IL3RA: variants seen among roughly 807,000 people sequenced by gnomAD.
The protein encoded by IL3RA is interleukin-3 receptor subunit alpha.
Under a neutral mutation model 52.3 loss-of-function variants are expected in IL3RA, and 73 were observed. The observed-to-expected ratio is 1.40, with a 90% CI of 1.16 to 1.70. The LOEUF (loss-of-function observed/expected upper bound fraction) is 1.70. Ranked by LOEUF, IL3RA falls within the 40% of genes most tolerant of loss-of-function variation. IL3RA has a pLI of 0.00. For missense variants in IL3RA, 664 were observed against 504.4 expected (o/e 1.32, Z -3.03); for synonymous variants, 260 against 194.0 (o/e 1.34, Z -2.83).
chrX:1,359,936 T>G (rs2096515204), intron 8 of IL3RA, among the ~76,000 whole-genome samples: 1 of 150,278 alleles, frequency 6.7e-6, no homozygotes, highest in Non-Finnish European at 1.5e-5. Context: ...TCTCCCACTG[T>G]CCCTGTCTGT....
At chrX:1,353,944 C>CCA (rs2086380409) in intron 6 of IL3RA, among the ~76,000 whole-genome samples, 1 of 26,726 alleles carries the variant, frequency 3.7e-5, no homozygotes, top group Admixed American at 4.2e-4. Flanking sequence ...GGTCATGGGA[C>CCA]CCCCCCCCCC....
At position 1,336,966 on chromosome X, in the gene IL3RA, G is replaced by C. The variant is rs2085346928; in HGVS notation, c.-39+40G>C. 3 of 152,376 alleles carry C rather than the reference G, an allele frequency of 2.0e-5. No homozygotes were observed. The South Asian group carries it at 6.2e-4, about 32-fold the overall frequency. The allele number at this position is 152,376 out of a possible 1,614,324, so 9.4% of individuals were successfully genotyped here. A position where few individuals can be genotyped will look rare whatever the true frequency, so the allele number is the denominator to read the frequency against. On this transcript the variant is annotated intron_variant, in intron 1 of 11. Coordinates refer to ENST00000331035, the MANE Select transcript of IL3RA (RefSeq NM_002183.4). ...CCAGGGTGGGATGAGGGAAAAAGAG[G>C]GCAGGCAGGGGAGGCGGTGGACTGT...
chrX:1,380,891 T>G, intron 10 of IL3RA, 132 bp from the exon 11 acceptor site: 1 of 757,552 alleles, frequency 1.3e-6, no homozygotes, highest in Non-Finnish European at 2.3e-6. Context: ...GCCGGGAAAA[T>G]AGAGACCCCT....
In IL3RA at chrX:1,381,101, G is replaced by C. The variant is rs751243379; in HGVS notation, c.1059G>C (p.Lys353Asn). The C allele has an allele frequency of 8.1e-6, 13 of 1,613,726 alleles. No homozygotes were observed. Among genetic ancestry groups the C allele is most frequent in the African/African-American group, 1.3e-5 (1 of 74,926 alleles). The change falls in exon 11 of 12, where the codon AAG becomes AAC. Residue 353 changes from lysine (K) to asparagine (N), a missense_variant. Coordinates refer to ENST00000331035, the MANE Select transcript of IL3RA (RefSeq NM_002183.4). Reference sequence around the variant, plus strand: ...TCGGTGACAGCTTCCAAAACGACAAGCTGGTATGTTGTTTTTTCTGCCTTG... The same window carrying C: ...TCGGTGACAGCTTCCAAAACGACAACCTGGTATGTTGTTTTTTCTGCCTTG... ...DPIGDSFQND[K>N]LVVWEAGKAG...
intron 8 of IL3RA, among the ~76,000 whole-genome samples, chrX:1,364,150 T>C (rs1205155218): frequency 8.1e-5 from 12 of 148,908 alleles, no homozygotes; most frequent in East Asian, 2.0e-4. Flanking sequence ...ATCACGCCAC[T>C]GCACTCCAGC....
At chrX:1,363,123 C>CG (rs1292785199) in intron 8 of IL3RA, among the ~76,000 whole-genome samples, 1 of 151,670 alleles carries the variant, frequency 6.6e-6, no homozygotes, top group African/African-American at 2.4e-5. Context: ...TTAGGGCCCC[C>CG]CCTGATCCAA....
At chrX:1,344,293 G>A (rs761011679) in intron 2 of IL3RA, among the ~76,000 whole-genome samples, 3 of 151,466 alleles carry the variant, frequency 2.0e-5, no homozygotes, top group Non-Finnish European at 2.9e-5. Flanking sequence ...AATTAGCCGA[G>A]TGTGGTGGCA....
chrX:1,358,767 C>A, intron 7 of IL3RA, 94 bp from the exon 8 acceptor site: 1 of 1,411,050 alleles, frequency 7.1e-7, no homozygotes, highest in Non-Finnish European at 1.0e-6. Context: ...CACTGTTTTG[C>A]TGGTTTTCCT....
At chrX:1,360,406 CTG>C (rs1339369024) in intron 8 of IL3RA, among the ~76,000 whole-genome samples, 3 of 151,452 alleles carry the variant, frequency 2.0e-5, no homozygotes, top group South Asian at 2.1e-4. Context: ...ATCTGTGTCT[CTG>C]TCTCTCCCTC....
At chrX:1,344,336 A>G (rs1487169062) in intron 2 of IL3RA, among the ~76,000 whole-genome samples, 2 of 151,826 alleles carry the variant, frequency 1.3e-5, no homozygotes, top group African/African-American at 4.8e-5. Flanking sequence ...CAGCAGGCTG[A>G]CACAGGATAA....
intron 1 of IL3RA, among the ~76,000 whole-genome samples, chrX:1,337,168 T>C (rs1426030499): frequency 6.6e-6 from 1 of 152,212 alleles, no homozygotes; most frequent in Admixed American, 6.5e-5. Context: ...CATCATAGCA[T>C]GTTAGATGCC....
At chrX:1,377,728 C>T (rs75322753) in intron 9 of IL3RA, among the ~76,000 whole-genome samples, 6 of 146,992 alleles carry the variant, frequency 4.1e-5, no homozygotes, top group Admixed American at 1.4e-4. Flanking sequence ...GGCAGTGGCG[C>T]GATCACGGCT....
intron 6 of IL3RA, among the ~76,000 whole-genome samples, chrX:1,354,007 G>A (rs1435121118): frequency 1.6e-5 from 2 of 123,378 alleles, no homozygotes. Context: ...AGCCCCCATT[G>A]TGAGTCATGG....
intron 6 of IL3RA, among the ~76,000 whole-genome samples, chrX:1,354,024 T>G (rs2086406987): frequency 1.7e-5 from 2 of 121,010 alleles, no homozygotes; most frequent in African/African-American, 6.4e-5. Flanking sequence ...ATGGAATCCC[T>G]CATCATGGGT....
chrX:1,347,296 T>C (rs1179951476), intron 3 of IL3RA, among the ~76,000 whole-genome samples: 7 of 149,974 alleles, frequency 4.7e-5, no homozygotes, highest in Admixed American at 1.3e-4. Flanking sequence ...ATATAAAAAT[T>C]AGCCGGGCGT....
rs760524042 is a variant in IL3RA, at chrX:1,382,000, A to G, written c.1063-391A>G. On this transcript the variant is annotated intron_variant, in intron 11 of 11. Transcript: ENST00000331035. ...TTGTTCGTTGCCCCGGCTGGAGTGC[A>G]ATGGTGCAATCTCGGCTCACTGCAA... Among the ~76,000 whole-genome samples, 7 of 150,990 alleles carry G rather than the reference A, an allele frequency of 4.6e-5. No homozygotes were observed. In the East Asian group the frequency reaches 1.4e-3, roughly 30 times the overall value.
chrX:1,365,409 AGCGGGGTGAGCGGGGTGAGCGGGGTGC>A (rs2087896222), intron 9 of IL3RA, among the ~76,000 whole-genome samples, 157 bp downstream of exon 9: 2 of 21,952 alleles, frequency 9.1e-5, no homozygotes, highest in Non-Finnish European at 1.7e-4. Context: ...GAGCGGGGTG[AGCGGGGTGAGCGGGGTGAGCGGGGTGC>A]GCGGGGTGAG....
Position 1,353,645 on chromosome X carries a change from TTCCATCACGGGTCATGGGACCCCC to T in IL3RA, c.616+1140_616+1163del, listed in dbSNP as rs1168477891. On this transcript the variant is annotated intron_variant, in intron 6 of 11. Transcript: ENST00000331035. Reference sequence around the variant, plus strand: ...GTCATGGGACCCCCCCCATCATGGGTTCCATCACGGGTCATGGGACCCCCCCCATCATGGGTTCCATCACGGGTC... The same window carrying T: ...GTCATGGGACCCCCCCCATCATGGGTCCCATCATGGGTTCCATCACGGGTC... Among the ~76,000 whole-genome samples, 8 of 32,868 alleles carry T rather than the reference TTCCATCACGGGTCATGGGACCCCC, an allele frequency of 2.4e-4. 1 individual carries two copies. The highest frequency in any genetic ancestry group is 3.2e-4 in the Non-Finnish European group (6 of 18,550). 21.6% of individuals were successfully genotyped at this position (32,868 alleles called of 152,430 possible). A position where few individuals can be genotyped will look rare whatever the true frequency, so the allele number is the denominator to read the frequency against.
rs141119734 is a variant in IL3RA, at chrX:1,352,455, G to A, written c.565G>A (p.Ala189Thr). The A allele has an allele frequency of 2.7e-4, 431 of 1,613,844 alleles. 4 individuals carry two copies. The African/African-American group carries it at 5.2e-3, about 20-fold the overall frequency. ...CCACATCCTGGTGCGGGGCAGGAGCGCAGCCTTCGGTATCCCCTGCACAGA... is the reference window on the plus strand; with the variant it reads ...CCACATCCTGGTGCGGGGCAGGAGCACAGCCTTCGGTATCCCCTGCACAGA... ...SSHILVRGRSAAFGIPCTDKF... is the reference protein window; with the variant it reads ...SSHILVRGRSTAFGIPCTDKF... Residue 189 changes from alanine (A) to threonine (T), a missense_variant, in exon 6 of 12, where the codon GCA becomes ACA. Ala to Thr is a moderately conservative substitution (Grantham distance 58). Transcript: ENST00000331035.
Sources: allele counts gnomAD v4.1 joint callset (sites outside exome capture counted in the v4.1 genomes callset), GRCh38; gene constraint gnomAD v4.1.1; transcripts MANE v1.5; gene names NCBI Gene and HGNC (gene_info 2026-07-23, HGNC 2026-07-21).